CPA6: variants seen among roughly 807,000 people sequenced by gnomAD.
CPA6 encodes the protein carboxypeptidase A6.
A neutral mutation model predicts 63.3 loss-of-function variants in CPA6; 58 were observed. That is an observed-to-expected ratio of 0.92 (90% CI 0.74 to 1.14). CPA6 has a LOEUF of 1.14. Ranked by LOEUF, CPA6 falls within the 50% of genes most tolerant of loss-of-function variation. CPA6 has a pLI of 0.00. For missense variants in CPA6, 565 were observed against 526.6 expected, an observed-to-expected ratio of 1.07 and a Z score of -0.71; for synonymous variants, 185 against 179.0, an observed-to-expected ratio of 1.03 and a Z score of -0.27.
At chr8:67,666,373 A>G (rs989143142) in intron 1 of CPA6, among the ~76,000 whole-genome samples, 3 of 152,174 alleles carry the variant, frequency 2.0e-5, no homozygotes, top group African/African-American at 7.2e-5. Flanking sequence ...TCCTTTTGGG[A>G]AAACAGGTGC....
rs1816028495 is a variant in CPA6 at position 67,658,072 on chromosome 8, C to G, written c.117-33821G>C. Reference sequence around the variant, plus strand: ...CTTGGAGTGGTGTGCTGACTCAGACCTTTCTTGTCTTTTTTGTTCCTCCTA... The same window carrying G: ...CTTGGAGTGGTGTGCTGACTCAGACGTTTCTTGTCTTTTTTGTTCCTCCTA... On this transcript the variant is annotated intron_variant, in intron 1 of 10. Transcript: ENST00000297770. Among the ~76,000 whole-genome samples the G allele has an allele frequency of 2.0e-5, 3 of 152,096 alleles. No individual in the cohort carries two copies. The South Asian group carries it at 6.2e-4, about 32-fold the overall frequency.
chr8:67,654,067 C>T (rs916131826), intron 1 of CPA6, among the ~76,000 whole-genome samples: 1 of 152,128 alleles, frequency 6.6e-6, no homozygotes. Context: ...TATATTGAAC[C>T]AGCCTTGCAT....
intron 1 of CPA6, among the ~76,000 whole-genome samples, chr8:67,697,729 T>G (rs769819550): frequency 2.0e-5 from 3 of 151,942 alleles, no homozygotes; most frequent in Non-Finnish European, 4.4e-5. Flanking sequence ...TAGAGTTACC[T>G]GGCCCTCAAA....
intron 1 of CPA6, among the ~76,000 whole-genome samples, chr8:67,701,145 T>A (rs932951881): frequency 6.6e-5 from 10 of 152,150 alleles, no homozygotes; most frequent in African/African-American, 2.2e-4. Context: ...TCTTAATCTT[T>A]ACTTATATAT....
chr8:67,732,487 T>C (rs1272447938), intron 1 of CPA6: 1 of 152,164 alleles, frequency 6.6e-6, no homozygotes, highest in Non-Finnish European at 1.5e-5. Context: ...AGAATATAGA[T>C]AAGAAGATAC....
chr8:67,705,932 A>G (rs1817124856), intron 1 of CPA6, among the ~76,000 whole-genome samples: 1 of 152,228 alleles, frequency 6.6e-6, no homozygotes, highest in African/African-American at 2.4e-5. Context: ...CAAAAGTTAT[A>G]AAGGTAAAGA....
intron 9 of CPA6, among the ~76,000 whole-genome samples, chr8:67,428,345 T>C (rs749002690): frequency 6.6e-6 from 1 of 152,294 alleles, no homozygotes; most frequent in Non-Finnish European, 1.5e-5. Flanking sequence ...AAACCAGTGA[T>C]CAATAATATT....
chr8:67,545,490 C>T (rs1244897600), intron 2 of CPA6, among the ~76,000 whole-genome samples: 1 of 151,596 alleles, frequency 6.6e-6, no homozygotes, highest in African/African-American at 2.4e-5. Context: ...TGGTCTCTTA[C>T]ATTATGCTGC....
chr8:67,627,836 C>T (rs1815227584), intron 1 of CPA6, among the ~76,000 whole-genome samples: 3 of 152,294 alleles, frequency 2.0e-5, no homozygotes, highest in Admixed American at 2.0e-4. Context: ...TCCTGCTGTA[C>T]AGTAGCAACC....
At chr8:67,593,226 T>G (rs1156702155) in intron 2 of CPA6, among the ~76,000 whole-genome samples, 1 of 151,116 alleles carries the variant, frequency 6.6e-6, no homozygotes, top group Non-Finnish European at 1.5e-5. Flanking sequence ...GAGTTCTAGT[T>G]TGATTGCACT....
intron 2 of CPA6, among the ~76,000 whole-genome samples, chr8:67,527,003 G>A (rs191035068): frequency 1.4e-3 from 207 of 152,208 alleles, no homozygotes; most frequent in Non-Finnish European, 2.1e-3. Context: ...TGAAATTCGA[G>A]TTAGCATTTT....
At position 67,527,244 on chromosome 8, in the gene CPA6, T is replaced by C. The variant is rs1361649710; in HGVS notation, c.193-9197A>G. Among the ~76,000 whole-genome samples the C allele has an allele frequency of 2.0e-5, 3 of 152,256 alleles. No individual in the cohort carries two copies. In the East Asian group the frequency reaches 5.8e-4, roughly 29 times the overall value. On this transcript the variant is annotated intron_variant, in intron 2 of 10. Transcript: ENST00000297770. ...TGGTGTTCTCAACAACAGTATGATA[T>C]TGCATTTACATTTAAAAATTCTGAC...
chr8:67,631,521 G>T (rs1815329051), intron 1 of CPA6, among the ~76,000 whole-genome samples: 2 of 151,954 alleles, frequency 1.3e-5, no homozygotes, highest in African/African-American at 4.8e-5. Context: ...GCACCAATCA[G>T]CACCGTCAAA....
chr8:67,698,738 G>A (rs1554535723), intron 1 of CPA6, among the ~76,000 whole-genome samples: 1 of 152,048 alleles, frequency 6.6e-6, no homozygotes, highest in Non-Finnish European at 1.5e-5. Context: ...AACCCTTTTT[G>A]TCACATAGGG....
At position 67,506,866 on chromosome 8, in the gene CPA6, T is replaced by C. The variant is rs199576384; in HGVS notation, c.557A>G (p.Lys186Arg). ...ACCACAGTCTATCCAAACAGCTCTT[T>C]TGAGTCGTGATCGTCTGCCCAGCTG... ...ILKLGRRSRL[K>R]RAVWIDCGIH... Residue 186 changes from lysine to arginine, a missense_variant, in exon 6 of 11, where the codon AAA (lysine) becomes AGA (arginine). By Grantham distance (26) the Lys-to-Arg change is conservative (BLOSUM62 2). Transcript: ENST00000297770. 110 of 1,613,406 alleles carry C rather than the reference T, an allele frequency of 6.8e-5. No individual in the cohort carries two copies. Among genetic ancestry groups the C allele is most frequent in the Non-Finnish European group, 8.3e-5 (98 of 1,179,564 alleles).
At chr8:67,545,615 T>C (rs554849611) in intron 2 of CPA6, among the ~76,000 whole-genome samples, 40 of 134,710 alleles carry the variant, frequency 3.0e-4, no homozygotes, top group African/African-American at 1.0e-3. Context: ...TTACACAGGC[T>C]GGAGTACAAT....
At chr8:67,604,132 A>G (rs1397286921) in intron 2 of CPA6, among the ~76,000 whole-genome samples, 1 of 152,204 alleles carries the variant, frequency 6.6e-6, no homozygotes, top group East Asian at 1.9e-4. Context: ...TATCCTAATC[A>G]GATTGGTTTG....
intron 1 of CPA6, among the ~76,000 whole-genome samples, chr8:67,660,583 C>G (rs906104861): frequency 1.4e-5 from 2 of 140,464 alleles, no homozygotes; most frequent in African/African-American, 5.5e-5. Flanking sequence ...AAGTGATGTG[C>G]CTGCCTTAGG....
At chr8:67,648,258 GTTTT>G (rs4009129) in intron 1 of CPA6, among the ~76,000 whole-genome samples, 286 of 113,906 alleles carry the variant, frequency 2.5e-3, no homozygotes, top group Non-Finnish European at 3.6e-3. Flanking sequence ...CCTAGATTAG[GTTTT>G]TTTTTTTTTT....
Sources: gnomAD v4.1 joint callset for allele counts (sites outside exome capture counted in the v4.1 genomes callset) on GRCh38, gnomAD v4.1.1 for gene constraint, MANE v1.5 for transcripts, NCBI Gene and HGNC (gene_info 2026-07-23, HGNC 2026-07-21) for gene names.